The following ZBTB34 variants were observed in gnomAD, a reference collection of about 807,000 sequenced individuals.
ZBTB34 encodes zinc finger and BTB domain-containing protein 34.
ZBTB34 carries 1 observed loss-of-function variant against 33.4 expected under a neutral mutation model. The observed-to-expected ratio is 0.03, with a 90% CI of 0.01 to 0.14. The LOEUF is 0.14. Among genes scored for constraint, ZBTB34 ranks in the 10% least tolerant of loss-of-function variants. The pLI is 1.00. For missense variants in ZBTB34, 406 were observed against 657.2 expected (o/e 0.62, Z 4.18); for synonymous variants, 283 against 253.5 (o/e 1.12, Z -1.11).
chr9:126,864,347 T>C (rs2033175771), intron 1 of ZBTB34, among the ~76,000 whole-genome samples: 2 of 152,178 alleles, frequency 1.3e-5, no homozygotes, highest in Admixed American at 6.5e-5. Context: ...AGTAGGAGCC[T>C]ACTGACCGTT....
exon 2 of ZBTB34, chr9:126,885,261 C>T (rs1165593608): frequency 6.0e-6 from 1 of 167,044 alleles, no homozygotes; most frequent in Non-Finnish European, 1.5e-5. Flanking sequence ...ACAGACGGGG[C>T]TATTGTAGTT....
At chr9:126,883,368 CAGTG>C in exon 2 of ZBTB34, 1 of 167,174 alleles carries the variant, frequency 6.0e-6, no homozygotes, top group East Asian at 1.9e-4. Flanking sequence ...GTATGAGAGA[CAGTG>C]AGGAGGGAGG....
intron 1 of ZBTB34, among the ~76,000 whole-genome samples, chr9:126,873,674 G>A (rs919861047): frequency 1.3e-5 from 2 of 151,890 alleles, no homozygotes; most frequent in East Asian, 1.9e-4. Flanking sequence ...GTGCGATCTC[G>A]GCTCACTGCA....
chr9:126,866,489 T>C (rs897297710), intron 1 of ZBTB34, among the ~76,000 whole-genome samples: 4 of 152,238 alleles, frequency 2.6e-5, no homozygotes, highest in Admixed American at 1.3e-4. Flanking sequence ...TGTGCCCTGT[T>C]CCTGCTTTTC....
rs1169506340 is a variant in ZBTB34 at position 126,860,742 on chromosome 9, G to A, written c.-11+3G>A. On this transcript the variant is annotated splice_donor_region_variant and intron_variant, in intron 1 of 1. Coordinates refer to ENST00000319119, the Ensembl canonical transcript of ZBTB34. ...TGTGAGCGCGGCGCTCTGGACAGGT[G>A]AGGCACGCTGGCCGGGGGCGGCGAG... 6.9e-6 allele frequency: 1 copy of A among 145,540 alleles called. No individual in the cohort carries two copies. The highest frequency in any genetic ancestry group is 6.8e-5 in the Admixed American group (1 of 14,652). The allele number at this position is 145,540 out of a possible 1,614,324, so 9.0% of individuals were successfully genotyped here. A position where few individuals can be genotyped will look rare whatever the true frequency, so the allele number is the denominator to read the frequency against.
At chr9:126,875,527 G>T (rs2033344192) in intron 1 of ZBTB34, among the ~76,000 whole-genome samples, 1 of 151,970 alleles carries the variant, frequency 6.6e-6, no homozygotes, top group Admixed American at 6.6e-5. Context: ...AAAATGAGTT[G>T]TATTTTTCTT....
At chr9:126,884,827 T>C (rs1348948730) in exon 2 of ZBTB34, 1 of 167,078 alleles carries the variant, frequency 6.0e-6, no homozygotes, top group East Asian at 1.9e-4. Context: ...TTAGTTACTG[T>C]GATTTTTGTT....
chr9:126,882,410 A>T (rs1260544156), exon 2 of ZBTB34: 2 of 167,146 alleles, frequency 1.2e-5, no homozygotes, highest in Non-Finnish European at 2.9e-5. Context: ...GTATGAAAAC[A>T]TACCTGAGTC....
intron 1 of ZBTB34, among the ~76,000 whole-genome samples, chr9:126,865,349 G>A (rs1280748936): frequency 6.6e-6 from 1 of 152,250 alleles, no homozygotes; most frequent in Non-Finnish European, 1.5e-5. Flanking sequence ...TGGGCTCTGG[G>A]CACGCAGTCC....
At chr9:126,860,945 C>T (rs1434454433) in intron 1 of ZBTB34, among the ~76,000 whole-genome samples, 1 of 151,190 alleles carries the variant, frequency 6.6e-6, no homozygotes, top group African/African-American at 2.4e-5. Flanking sequence ...AGGCCCCGGG[C>T]ACCTGCTGGG....
Position 126,879,802 on chromosome 9 carries a change from G to A in ZBTB34, c.403G>A (p.Val135Ile), listed in dbSNP as rs576828106. ...AGAGAGCATCCATTCCAAAATCAGC[G>A]TTGGAGATGTTGACTCTGTTACCGT... The change falls in exon 2 of 2, where the codon GTT becomes ATT. Residue 135 changes from valine to isoleucine, a missense_variant. This residue lies in a region of ZBTB34 where 137 missense variants were observed against 173.0 expected (regional missense o/e 0.79). Transcript: ENST00000319119. This position sits in a 1 kb window ranked among gnomAD's most constrained non-coding sequence, Gnocchi z 6.4. The A allele has an allele frequency of 2.7e-5, 43 of 1,613,314 alleles. No homozygotes were observed. The highest frequency in any genetic ancestry group is 1.2e-4 in the South Asian group (11 of 91,086).
chr9:126,881,848 A>G (rs918287728), exon 2 of ZBTB34: 2 of 166,992 alleles, frequency 1.2e-5, no homozygotes. Flanking sequence ...CATACATACC[A>G]GGTAACTAAA....
intron 1 of ZBTB34, among the ~76,000 whole-genome samples, chr9:126,875,212 T>G (rs2033339826): frequency 6.6e-6 from 1 of 152,216 alleles, no homozygotes; most frequent in Non-Finnish European, 1.5e-5. Context: ...TTTCTGATAT[T>G]GATTACATGC....
exon 2 of ZBTB34, chr9:126,884,791 G>A (rs1188017119): frequency 1.2e-5 from 2 of 166,968 alleles, no homozygotes; most frequent in African/African-American, 4.8e-5. Context: ...AGAGATCAAT[G>A]TATTTTATTT....
chr9:126,874,345 C>T (rs766253438), intron 1 of ZBTB34, among the ~76,000 whole-genome samples: 17 of 151,970 alleles, frequency 1.1e-4, no homozygotes, highest in African/African-American at 3.6e-4. Flanking sequence ...CCACCACGCC[C>T]GGCCTCTGCT....
intron 1 of ZBTB34, among the ~76,000 whole-genome samples, chr9:126,864,442 A>C (rs10441739): frequency 0.053 from 8,138 of 152,166 alleles, 680 homozygotes; most frequent in African/African-American, 0.18. Flanking sequence ...GATGTTTTGC[A>C]TTGACTAAAA....
chr9:126,868,401 C>G (rs2033236773), intron 1 of ZBTB34, among the ~76,000 whole-genome samples: 1 of 152,184 alleles, frequency 6.6e-6, no homozygotes, highest in Non-Finnish European at 1.5e-5. Flanking sequence ...CTTTGGACTT[C>G]AGGTCTGTGG....
chr9:126,862,560 G>C (rs905885612), intron 1 of ZBTB34, among the ~76,000 whole-genome samples: 1 of 152,124 alleles, frequency 6.6e-6, no homozygotes, highest in Non-Finnish European at 1.5e-5. Flanking sequence ...ACGGCTTCTT[G>C]GGTTTTGCTT....
chr9:126,862,666 C>T (rs2033157226), intron 1 of ZBTB34, among the ~76,000 whole-genome samples: 1 of 152,216 alleles, frequency 6.6e-6, no homozygotes, highest in African/African-American at 2.4e-5. Context: ...GATATACTTC[C>T]TCCAGAGGGT....
Sources: gnomAD v4.1 joint callset for allele counts (sites outside exome capture counted in the v4.1 genomes callset) on GRCh38, gnomAD v4.1.1 for gene constraint, gnomAD v4.1.1 regional missense constraint, Gnocchi (gnomAD v3.1) non-coding constraint, MANE v1.5 for transcripts, NCBI Gene and HGNC (gene_info 2026-07-23, HGNC 2026-07-21) for gene names.